Variants in SHQ1 observed in about 807,000 individuals in gnomAD.
SHQ1 encodes SHQ1, H/ACA ribonucleoprotein assembly factor, also known as protein SHQ1 homolog.
Under a neutral mutation model 53.8 loss-of-function variants are expected in SHQ1, and 49 were observed. The observed-to-expected ratio is 0.91, with a 90% CI of 0.72 to 1.16. SHQ1 has a LOEUF of 1.16. Ranked by LOEUF, SHQ1 falls within the 50% of genes most tolerant of loss-of-function variation. SHQ1 has a pLI of 0.00. For missense variants in SHQ1, 738 were observed against 683.1 expected, an observed-to-expected ratio of 1.08 and a Z score of -0.90; for synonymous variants, 243 against 251.0, an observed-to-expected ratio of 0.97 and a Z score of 0.30.
chr3:72,752,171 A>G (rs1246024054), intron 10 of SHQ1, among the ~76,000 whole-genome samples: 1 of 152,226 alleles, frequency 6.6e-6, no homozygotes, highest in East Asian at 1.9e-4. Flanking sequence ...CCATGGGCCA[A>G]TCCAGACTTA....
intron 10 of SHQ1, chr3:72,773,272 G>A (rs147428675): frequency 1.5e-6 from 1 of 657,474 alleles, no homozygotes; most frequent in African/African-American, 1.8e-5. Flanking sequence ...ACAAGAAAGA[G>A]AAAGGGACAA....
At chr3:72,828,282 G>A (rs1425270477) in intron 5 of SHQ1, among the ~76,000 whole-genome samples, 2 of 152,178 alleles carry the variant, frequency 1.3e-5, no homozygotes, top group African/African-American at 4.8e-5. Context: ...AGTCTAACAG[G>A]GCAAGTGCAT....
At chr3:72,828,068 C>A (rs1006040032) in intron 5 of SHQ1, among the ~76,000 whole-genome samples, 1 of 152,012 alleles carries the variant, frequency 6.6e-6, no homozygotes, top group South Asian at 2.1e-4. Flanking sequence ...TCAAGACTTT[C>A]AAGGTCACTA....
intron 1 of SHQ1, among the ~76,000 whole-genome samples, chr3:72,847,090 C>T (rs1708359400): frequency 6.6e-6 from 1 of 152,146 alleles, no homozygotes; most frequent in Non-Finnish European, 1.5e-5. Flanking sequence ...GTGAAAAGTA[C>T]ATGAGGGCAG....
At chr3:72,768,090 T>C (rs889663716) in intron 10 of SHQ1, among the ~76,000 whole-genome samples, 1 of 151,980 alleles carries the variant, frequency 6.6e-6, no homozygotes, top group Non-Finnish European at 1.5e-5. Flanking sequence ...AGCACAGAGC[T>C]TGGCTGTGAT....
chr3:72,785,302 C>T (rs1706194738), intron 10 of SHQ1, among the ~76,000 whole-genome samples: 1 of 152,174 alleles, frequency 6.6e-6, no homozygotes, highest in South Asian at 2.1e-4. Context: ...TAAAGCTCCC[C>T]AGTTTTGCTG....
chr3:72,846,718 G>A (rs756983720), intron 1 of SHQ1, among the ~76,000 whole-genome samples: 5 of 152,182 alleles, frequency 3.3e-5, no homozygotes, highest in Non-Finnish European at 5.9e-5. Flanking sequence ...CAATAAAGCA[G>A]AAGTGACACA....
rs1282040722 is a variant in SHQ1, at chr3:72,749,799, C to T, written c.*485G>A. 10 of 221,838 alleles carry T rather than the reference C, an allele frequency of 4.5e-5. No individual in the cohort carries two copies. Among genetic ancestry groups the T allele is most frequent in the South Asian group, 3.7e-4 (2 of 5,418 alleles). 13.7% of individuals were successfully genotyped at this position (221,838 alleles called of 1,614,324 possible). A position where few individuals can be genotyped will look rare whatever the true frequency, so the allele number is the denominator to read the frequency against. On this transcript the variant is annotated 3_prime_UTR_variant, in exon 11 of 11. Coordinates refer to ENST00000325599, the MANE Select transcript of SHQ1 (RefSeq NM_018130.3). ...CTTTTGAACTTTATCTTCACAGTCG[C>T]GGCAAGGAAAACAAAAGGTATAAAC... is the stretch of plus-strand genomic sequence containing the variant.
chr3:72,753,665 G>A (rs1295171911), intron 10 of SHQ1: 1 of 984,854 alleles, frequency 1.0e-6, no homozygotes, highest in African/African-American at 1.7e-5. Context: ...AAAGGGAGGG[G>A]TTTAGGGTAA....
the SHQ1 span, among the ~76,000 whole-genome samples, chr3:72,737,387 G>T: frequency 6.6e-6 from 1 of 152,168 alleles, no homozygotes; most frequent in Non-Finnish European, 1.5e-5. Context: ...TGAAGGCAGA[G>T]TCTGAAGGAG....
chr3:72,759,095 CTTCTT>C (rs987358795), intron 10 of SHQ1, among the ~76,000 whole-genome samples: 2 of 152,190 alleles, frequency 1.3e-5, no homozygotes, highest in African/African-American at 4.8e-5. Context: ...CTTAGTGTCT[CTTCTT>C]TTCTTATGAG....
At chr3:72,802,270 A>G (rs1256593556) in intron 9 of SHQ1, among the ~76,000 whole-genome samples, 2 of 152,174 alleles carry the variant, frequency 1.3e-5, no homozygotes, top group Non-Finnish European at 2.9e-5. Flanking sequence ...AGTTCAGACC[A>G]TACTGTCTGT....
rs1575697282 is a variant in SHQ1, at chr3:72,792,916, T to C, written c.1181A>G (p.Lys394Arg). Reference protein sequence around the residue: ...SDYCVWIQKVKSKKLAALAEA... With the variant: ...SDYCVWIQKVRSKKLAALAEA... ...CGTAAGTAACTCTATGAAAACTTAC[T>C]TGACTTTCTGAATCCACACACAGTA... is the stretch of plus-strand genomic sequence containing the variant. The change falls in exon 10 of 11, where the codon AAA (lysine) becomes AGA (arginine). Residue 394 changes from lysine to arginine, a missense_variant and splice_region_variant. Lys to Arg is a conservative substitution (Grantham distance 26). Coordinates refer to ENST00000325599, the MANE Select transcript of SHQ1 (RefSeq NM_018130.3). 3 of 1,607,444 alleles carry C rather than the reference T, an allele frequency of 1.9e-6. No individual in the cohort carries two copies. In the South Asian group the frequency reaches 3.4e-5, roughly 18 times the overall value.
the SHQ1 span, among the ~76,000 whole-genome samples, chr3:72,737,377 T>C: frequency 1.1e-4 from 16 of 152,090 alleles, no homozygotes; most frequent in African/African-American, 3.9e-4. Flanking sequence ...AGGAACCCTC[T>C]GAAGGCAGAG....
intron 10 of SHQ1, among the ~76,000 whole-genome samples, chr3:72,788,436 G>A (rs1455104687): frequency 3.3e-5 from 5 of 150,980 alleles, no homozygotes; most frequent in East Asian, 2.0e-4. Context: ...CTCTCTGCCC[G>A]GCAGCCGCCC....
chr3:72,726,072 A>G, the SHQ1 span, among the ~76,000 whole-genome samples: 3 of 152,310 alleles, frequency 2.0e-5, no homozygotes, highest in East Asian at 3.9e-4. Context: ...GTTTGAGACC[A>G]GCCTGAGAAA....
chr3:72,766,860 A>G (rs888103468), intron 10 of SHQ1, among the ~76,000 whole-genome samples: 2 of 152,212 alleles, frequency 1.3e-5, no homozygotes, highest in Non-Finnish European at 2.9e-5. Flanking sequence ...CGGGCTTCAC[A>G]TAATGATGGA....
intron 2 of SHQ1, 133 bp from the exon 3 acceptor site, chr3:72,842,535 C>T (rs1575742166): frequency 1.7e-6 from 1 of 600,552 alleles, no homozygotes; most frequent in Non-Finnish European, 2.7e-6. Flanking sequence ...TCAAGACCAG[C>T]CTGGGCAACA....
chr3:72,745,061 A>G (rs981589320), downstream of SHQ1, among the ~76,000 whole-genome samples: 3 of 151,972 alleles, frequency 2.0e-5, no homozygotes, highest in African/African-American at 7.3e-5. Flanking sequence ...CTGTTTTGTC[A>G]TCATTGACTA....
Sources: allele counts gnomAD v4.1 joint callset (sites outside exome capture counted in the v4.1 genomes callset), GRCh38; gene constraint gnomAD v4.1.1; transcripts MANE v1.5; gene names NCBI Gene and HGNC (gene_info 2026-07-23, HGNC 2026-07-21).